Variants in HGF observed in about 807,000 individuals in gnomAD.
HGF encodes fibroblast-derived tumor cytotoxic factor.
In HGF, 39 loss-of-function variants were observed where a neutral mutation model predicts 111.6. The observed-to-expected ratio is 0.35, with a 90% CI of 0.27 to 0.46. The LOEUF is 0.46. Ranked by LOEUF, HGF falls within the 20% of genes least tolerant of loss-of-function variation. The pLI is 1.00. For synonymous variants in HGF, 285 were observed against 294.8 expected (o/e 0.97, Z 0.34); for missense variants, 735 against 910.5 (o/e 0.81, Z 2.48).
At chr7:81,751,688 T>A (rs1788512752) in intron 5 of HGF, 2 of 1,030,070 alleles carry the variant, frequency 1.9e-6, no homozygotes, top group Non-Finnish European at 2.3e-6. Context: ...CCATATACCC[T>A]TGTCACACCA....
chr7:81,765,426 A>G (rs1007976050), intron 1 of HGF, among the ~76,000 whole-genome samples: 1 of 152,128 alleles, frequency 6.6e-6, no homozygotes, highest in Non-Finnish European at 1.5e-5. Flanking sequence ...ATCGAAAAGC[A>G]TTTTGAAAAA....
chr7:81,720,055 C>T (rs1789813293), intron 10 of HGF, among the ~76,000 whole-genome samples: 1 of 152,128 alleles, frequency 6.6e-6, no homozygotes, highest in African/African-American at 2.4e-5. Flanking sequence ...ATGTGTCATA[C>T]TTCTTTTGCA....
At chr7:81,761,226 G>C (rs1054359167) in intron 2 of HGF, among the ~76,000 whole-genome samples, 1 of 152,136 alleles carries the variant, frequency 6.6e-6, no homozygotes, top group East Asian at 1.9e-4. Flanking sequence ...GGCTTTTATA[G>C]GAAAGTCAGG....
Position 81,701,835 on chromosome 7 carries a change from A to G in HGF, c.*746T>C, listed in dbSNP as rs1394922286. On this transcript the variant is annotated 3_prime_UTR_variant, in exon 18 of 18. Coordinates refer to ENST00000222390, the MANE Select transcript of HGF (RefSeq NM_000601.6). ...ACACCTGAAATGCCAACCAAAGAAG[A>G]TCATCTGCAGATTATGTATGGAGAA... The G allele has an allele frequency of 6.6e-6, 1 of 152,056 alleles. No homozygotes were observed. The highest frequency in any genetic ancestry group is 1.5e-5 in the Non-Finnish European group (1 of 67,966). The allele number at this position is 152,056 out of a possible 1,614,324, so 9.4% of individuals were successfully genotyped here.
chr7:81,720,966 C>T, intron 9 of HGF, 119 bp from the exon 10 acceptor site: 1 of 690,328 alleles, frequency 1.4e-6, no homozygotes, highest in Non-Finnish European at 2.6e-6. Flanking sequence ...CTTGAAAGGG[C>T]TGGGTGCGGT....
At chr7:81,717,607 A>C (rs1352439395) in intron 10 of HGF, among the ~76,000 whole-genome samples, 6 of 152,098 alleles carry the variant, frequency 3.9e-5, no homozygotes, top group Admixed American at 3.9e-4. Context: ...TTGGCATATT[A>C]GGTTTTGTGA....
chr7:81,744,502 T>C (rs1032445683), intron 6 of HGF, among the ~76,000 whole-genome samples: 1 of 152,138 alleles, frequency 6.6e-6, no homozygotes, highest in Non-Finnish European at 1.5e-5. Context: ...CATGCTGTTA[T>C]GTGTGTGGCC....
intron 7 of HGF, among the ~76,000 whole-genome samples, chr7:81,730,818 A>T (rs1787629157): frequency 6.6e-6 from 1 of 152,194 alleles, no homozygotes; most frequent in South Asian, 2.1e-4. Context: ...CTACCTTTAC[A>T]ATCTAAATGG....
chr7:81,759,918 C>T (rs1253268860), intron 2 of HGF, among the ~76,000 whole-genome samples: 2 of 152,002 alleles, frequency 1.3e-5, no homozygotes, highest in East Asian at 3.9e-4. Flanking sequence ...ACTAAAAGAA[C>T]CTATTTATAT....
At chr7:81,748,906 G>A (rs1171340188) in intron 5 of HGF, among the ~76,000 whole-genome samples, 7 of 152,110 alleles carry the variant, frequency 4.6e-5, no homozygotes, top group Admixed American at 3.3e-4. Flanking sequence ...ATTTTTCTCC[G>A]TCATAAAACA....
chr7:81,761,061 G>T (rs17155444), intron 2 of HGF, among the ~76,000 whole-genome samples: 3,482 of 152,190 alleles, frequency 0.023, 131 homozygotes, highest in African/African-American at 0.078. Context: ...TTAAAAATCA[G>T]CAATGAGGTG....
At chr7:81,766,653 T>C (rs985745876) in intron 1 of HGF, among the ~76,000 whole-genome samples, 2 of 152,146 alleles carry the variant, frequency 1.3e-5, no homozygotes, top group African/African-American at 2.4e-5. Flanking sequence ...TGATGTTCAG[T>C]GTGATTTGAG....
chr7:81,761,072 T>C (rs1789050496), intron 2 of HGF, among the ~76,000 whole-genome samples: 1 of 152,098 alleles, frequency 6.6e-6, no homozygotes, highest in African/African-American at 2.4e-5. Context: ...CAATGAGGTG[T>C]CCTCTCCTTC....
At chr7:81,723,009 T>C (rs747888854) in intron 9 of HGF, among the ~76,000 whole-genome samples, 7 of 151,966 alleles carry the variant, frequency 4.6e-5, no homozygotes, top group Non-Finnish European at 1.0e-4. Context: ...CTATGAAAGG[T>C]CATCTGCAAA....
chr7:81,767,201 G>A (rs558238575), intron 1 of HGF, among the ~76,000 whole-genome samples: 130 of 151,734 alleles, frequency 8.6e-4, no homozygotes, highest in Non-Finnish European at 1.3e-3. Flanking sequence ...ATTTCTAACA[G>A]GGTTTTTTGA....
rs1789738857 is a variant in HGF, at chr7:81,717,304, C to T, written c.1333G>A (p.Asp445Asn). 1 of 1,613,438 alleles carries T rather than the reference C, an allele frequency of 6.2e-7. No individual in the cohort carries two copies. The highest frequency in any genetic ancestry group is 1.3e-5 in the African/African-American group (1 of 74,910). Residue 445 changes from aspartate to asparagine, a missense_variant, in exon 11 of 18, where the codon GAT becomes AAT. Physicochemically the swap from Asp to Asn is conservative, Grantham distance 23. Transcript: ENST00000222390. ...LNENYCRNPDDDAHGPWCYTG... is the reference protein window; with the variant it reads ...LNENYCRNPDNDAHGPWCYTG... Reference sequence around the variant, plus strand: ...TAGCACCAGGGTCCATGAGCATCATCATCTGGATTTCGGCAGTAATTCTCA... The same window carrying T: ...TAGCACCAGGGTCCATGAGCATCATTATCTGGATTTCGGCAGTAATTCTCA...
chr7:81,743,357 T>A lies in HGF; in HGVS notation c.861A>T (p.Thr287=). The A allele has an allele frequency of 2.5e-6, 4 of 1,580,390 alleles. No homozygotes were observed. In the African/African-American group the frequency reaches 5.4e-5, roughly 21 times the overall value. Residue 287 remains threonine (T), a synonymous_variant, in exon 7 of 18, where the codon ACA becomes ACT. Coordinates refer to ENST00000222390, the MANE Select transcript of HGF (RefSeq NM_000601.6). The part of the protein sequence containing the change: ...HTRWEYCAIK[T]CADNTMNDTD... ...ATAAATTTGACCTTCACTTACCGCA[T>A]GTTTTAATTGCACAGTACTCCCAGC...
intron 11 of HGF, among the ~76,000 whole-genome samples, chr7:81,713,696 G>A (rs768222663): frequency 9.9e-5 from 15 of 151,990 alleles, no homozygotes; most frequent in Non-Finnish European, 1.8e-4. Flanking sequence ...GTTGGTGGCC[G>A]GATGCATCCA....
At chr7:81,723,347 T>G (rs952942489) in intron 9 of HGF, among the ~76,000 whole-genome samples, 1 of 152,064 alleles carries the variant, frequency 6.6e-6, no homozygotes, top group African/African-American at 2.4e-5. Context: ...ATTCAAAAAC[T>G]AATATCCAGA....
Sources: allele counts gnomAD v4.1 joint callset (sites outside exome capture counted in the v4.1 genomes callset), GRCh38; gene constraint gnomAD v4.1.1; transcripts MANE v1.5; gene names NCBI Gene and HGNC (gene_info 2026-07-23, HGNC 2026-07-21).